The following SHC3 variants were observed in gnomAD, a reference collection of about 807,000 sequenced individuals.
SHC3 encodes SHC-transforming protein 3.
In SHC3, 15 loss-of-function variants were observed where a neutral mutation model predicts 60.4. The ratio of observed to expected loss-of-function variants is 0.25; its 90% CI spans 0.17 to 0.38. The LOEUF is 0.38. SHC3 is among the 10% of genes least tolerant of loss of function. The pLI is 1.00. For missense variants in SHC3, 677 were observed against 786.1 expected, an observed-to-expected ratio of 0.86 and a Z score of 1.66; for synonymous variants, 294 against 325.9, an observed-to-expected ratio of 0.90 and a Z score of 1.05.
intron 1 of SHC3, among the ~76,000 whole-genome samples, chr9:89,174,090 A>G (rs939306997): frequency 6.6e-6 from 1 of 152,192 alleles, no homozygotes. Flanking sequence ...ACAGTTACCA[A>G]AAGAATACAG....
At chr9:89,086,375 G>A (rs961344001) in intron 2 of SHC3, among the ~76,000 whole-genome samples, 3 of 152,200 alleles carry the variant, frequency 2.0e-5, no homozygotes, top group African/African-American at 4.8e-5. Flanking sequence ...ATTAATTTGC[G>A]AGAACGGCTC....
rs1826009528 is a variant in SHC3 at position 89,011,164 on chromosome 9, A to G, written c.*2283T>C. The G allele has an allele frequency of 6.6e-6, 1 of 152,230 alleles. No homozygotes were observed. The highest frequency in any genetic ancestry group is 2.4e-5 in the African/African-American group (1 of 41,456). 9.4% of individuals were successfully genotyped at this position (152,230 alleles called of 1,614,324 possible). On this transcript the variant is annotated 3_prime_UTR_variant, in exon 12 of 12. Coordinates refer to ENST00000375835, the MANE Select transcript of SHC3 (RefSeq NM_016848.6). ...TTAAAAATGTATATTTTGAATTAAT[A>G]TTAAAAAGAAAAAATTCGACTCCAA...
chr9:89,146,133 G>T (rs755175496), intron 1 of SHC3, among the ~76,000 whole-genome samples: 1 of 151,872 alleles, frequency 6.6e-6, no homozygotes, highest in African/African-American at 2.4e-5. Flanking sequence ...TGAGGCGAGC[G>T]GATCACAAGT....
intron 2 of SHC3, among the ~76,000 whole-genome samples, chr9:89,097,453 T>A (rs560622254): frequency 2.0e-5 from 3 of 152,332 alleles, no homozygotes; most frequent in Non-Finnish European, 2.9e-5. Flanking sequence ...GTGACTTCCA[T>A]CCTACTAAGC....
chr9:89,138,415 T>A (rs1436351027), intron 1 of SHC3, among the ~76,000 whole-genome samples: 9 of 151,856 alleles, frequency 5.9e-5, no homozygotes, highest in Non-Finnish European at 1.5e-5. Flanking sequence ...TAGGGTAACT[T>A]CCTGACATTG....
intron 1 of SHC3, among the ~76,000 whole-genome samples, chr9:89,122,321 G>T (rs1372708007): frequency 6.6e-6 from 1 of 152,192 alleles, no homozygotes; most frequent in Non-Finnish European, 1.5e-5. Flanking sequence ...TTCACTAAAA[G>T]CTCCTGGAAT....
At chr9:89,049,233 C>T (rs953313539) in intron 7 of SHC3, among the ~76,000 whole-genome samples, 2 of 152,104 alleles carry the variant, frequency 1.3e-5, no homozygotes, top group African/African-American at 4.8e-5. Context: ...TGCACTCCAG[C>T]CTGAGTGACA....
intron 5 of SHC3, 72 bp downstream of exon 5, chr9:89,071,127 A>G: frequency 2.8e-6 from 4 of 1,430,370 alleles, no homozygotes; most frequent in Non-Finnish European, 3.0e-6. Flanking sequence ...CTTGCAAGGC[A>G]TATTATTGAA....
intron 11 of SHC3, among the ~76,000 whole-genome samples, chr9:89,035,298 C>G (rs1180250400): frequency 3.3e-5 from 5 of 152,196 alleles, no homozygotes; most frequent in Admixed American, 6.5e-5. Context: ...TACATACATT[C>G]ATTGCAAGCC....
At chr9:89,062,331 T>C (rs1234860411) in intron 6 of SHC3, among the ~76,000 whole-genome samples, 1 of 152,216 alleles carries the variant, frequency 6.6e-6, no homozygotes, top group African/African-American at 2.4e-5. Flanking sequence ...CTTTTAGCTA[T>C]AATTTATCAA....
At chr9:89,132,628 T>G (rs1826263831) in intron 1 of SHC3, among the ~76,000 whole-genome samples, 1 of 152,176 alleles carries the variant, frequency 6.6e-6, no homozygotes, top group Non-Finnish European at 1.5e-5. Context: ...CATCTGATCT[T>G]TGACAAACCT....
chr9:89,036,529 T>C (rs1824581363), intron 11 of SHC3, among the ~76,000 whole-genome samples: 1 of 152,060 alleles, frequency 6.6e-6, no homozygotes, highest in Non-Finnish European at 1.5e-5. Flanking sequence ...GAGAAAAACA[T>C]GCGTGAGAGT....
intron 1 of SHC3, among the ~76,000 whole-genome samples, chr9:89,136,302 G>T (rs1319177204): frequency 1.3e-5 from 2 of 152,144 alleles, no homozygotes; most frequent in African/African-American, 4.8e-5. Context: ...GAGACCTACT[G>T]GGCTGTATTC....
intron 2 of SHC3, among the ~76,000 whole-genome samples, chr9:89,080,073 C>G (rs1224919053): frequency 6.6e-6 from 1 of 152,216 alleles, no homozygotes; most frequent in Non-Finnish European, 1.5e-5. Context: ...GTTACTTTAA[C>G]TCCAAAATCT....
intron 2 of SHC3, among the ~76,000 whole-genome samples, chr9:89,096,300 A>G (rs1825700398): frequency 6.6e-6 from 1 of 152,226 alleles, no homozygotes; most frequent in Non-Finnish European, 1.5e-5. Context: ...AGGAGCCCAG[A>G]GACATGAGGC....
chr9:89,040,201 T>C (rs1434245297), intron 10 of SHC3, among the ~76,000 whole-genome samples: 2 of 141,304 alleles, frequency 1.4e-5, no homozygotes, highest in Non-Finnish European at 3.1e-5. Context: ...ATCAGCAGCA[T>C]CATCACCATC....
chr9:89,092,088 AGCAATATTAGCAC>A (rs1825629792), intron 2 of SHC3, among the ~76,000 whole-genome samples: 1 of 152,236 alleles, frequency 6.6e-6, no homozygotes, highest in Non-Finnish European at 1.5e-5. Flanking sequence ...ACTGGTTGAT[AGCAATATTAGCAC>A]TCAGTGCTGC....
intron 11 of SHC3, among the ~76,000 whole-genome samples, chr9:89,037,068 G>A (rs1381616312): frequency 6.6e-6 from 1 of 152,162 alleles, no homozygotes; most frequent in Non-Finnish European, 1.5e-5. Flanking sequence ...GGCTGGAAGT[G>A]GGAAGTGGCT....
intron 1 of SHC3, among the ~76,000 whole-genome samples, chr9:89,138,613 T>G (rs1305759175): frequency 1.3e-5 from 2 of 152,222 alleles, no homozygotes; most frequent in Non-Finnish European, 2.9e-5. Flanking sequence ...TGACTTAGAA[T>G]GCCTAACCGT....
Sources: allele counts gnomAD v4.1 joint callset (sites outside exome capture counted in the v4.1 genomes callset), GRCh38; gene constraint gnomAD v4.1.1; transcripts MANE v1.5; gene names NCBI Gene and HGNC (gene_info 2026-07-23, HGNC 2026-07-21).